The following AKNA variants were observed in gnomAD, a reference collection of about 807,000 sequenced individuals.
AKNA encodes the protein AT-hook transcription factor, also known as microtubule organization protein AKNA.
A neutral mutation model predicts 138.8 loss-of-function variants in AKNA; 67 were observed. The ratio of observed to expected loss-of-function variants is 0.48; its 90% CI spans 0.40 to 0.59. The LOEUF (loss-of-function observed/expected upper bound fraction) is 0.59, where lower values mean the gene tolerates loss of function less well. Among genes scored for constraint, AKNA ranks in the 20% least tolerant of loss-of-function variants. The pLI is 0.00. For synonymous variants in AKNA, 737 were observed against 754.4 expected (o/e 0.98, Z 0.38); for missense variants, 1,813 against 1,880.4 (o/e 0.96, Z 0.66).
chr9:114,359,716 CT>C lies in AKNA; in HGVS notation c.2369del (p.Glu790GlyfsTer51). On this transcript the variant is annotated frameshift_variant, in exon 11 of 22. Transcript: ENST00000374088. LOFTEE classifies it high-confidence loss of function. ...CAACTTCCAGGGAGTCACCTCCCCCCTCTTCCTCCTCCTCCTCCTCTCCTTC... is the reference window on the plus strand; with the variant it reads ...CAACTTCCAGGGAGTCACCTCCCCCCCTTCCTCCTCCTCCTCCTCTCCTTC... Reference protein sequence around the residue: ...EEEGEEEEEEEGGGDSLEVDG... With the variant: ...EEEGEEEEEEXGGGDSLEVDG... 6.2e-7 allele frequency: 1 copy of C among 1,610,016 alleles called. No homozygotes were observed. The highest frequency in any genetic ancestry group is 8.5e-7 in the Non-Finnish European group (1 of 1,177,814).
chr9:114,387,805 G>A (rs964317724), intron 1 of AKNA, 55 bp downstream of exon 1: 4 of 403,144 alleles, frequency 9.9e-6, no homozygotes, highest in Non-Finnish European at 2.1e-5. Context: ...GTCTGTGACT[G>A]GCCCGTCCAG....
chr9:114,343,588 G>T, intron 19 of AKNA, 120 bp downstream of exon 19: 2 of 1,012,662 alleles, frequency 2.0e-6, no homozygotes, highest in Non-Finnish European at 3.0e-6. Context: ...TCCCTGGTCT[G>T]TCCCTATAAC....
chr9:114,337,245 A>G lies in AKNA; in HGVS notation c.4129T>C (p.Ser1377Pro). Residue 1377 changes from serine (S) to proline (P), a missense_variant, in exon 22 of 22, where the codon TCT (serine) becomes CCT (proline). Transcript: ENST00000374088. ...QPAAKWPPTA[S>P]PPPARRHRHS... ...CGGTGTCTCCGGGCTGGTGGGGGAG[A>G]GGCTGTGGGCGGCCACTTGGCAGCT... 6.4e-7 allele frequency: 1 copy of G among 1,562,302 alleles called. No homozygotes were observed. Among genetic ancestry groups the G allele is most frequent in the Non-Finnish European group, 8.7e-7 (1 of 1,145,700 alleles).
chr9:114,397,184 C>G (rs954552511), upstream of AKNA, among the ~76,000 whole-genome samples: 2 of 152,190 alleles, frequency 1.3e-5, no homozygotes, highest in African/African-American at 4.8e-5. Context: ...AGACGACTGC[C>G]CCAGGAATAA....
rs189730544 is a variant in AKNA at position 114,375,017 on chromosome 9, C to G, written c.1342-850G>C. 2.6e-5 allele frequency among the ~76,000 whole-genome samples: 4 copies of G among 152,362 alleles called. No individual in the cohort carries two copies. In the East Asian group the frequency reaches 7.7e-4, roughly 29 times the overall value. On this transcript the variant is annotated intron_variant, in intron 3 of 21. Transcript: ENST00000374088. ...AAGACTAGCCCAAGACAATGACCATCAGAGGCTGTCAAAATCACCAACAAG... is the reference window on the plus strand; with the variant it reads ...AAGACTAGCCCAAGACAATGACCATGAGAGGCTGTCAAAATCACCAACAAG...
chr9:114,368,603 A>C lies in AKNA; in HGVS notation c.1417-8T>G, dbSNP rs1832548322. The C allele has an allele frequency of 1.5e-6, 2 of 1,369,262 alleles. No individual in the cohort carries two copies. Among genetic ancestry groups the C allele is most frequent in the Middle Eastern group, 1.9e-4 (1 of 5,146 alleles). The allele number at this position is 1,369,262 out of a possible 1,614,324, so 84.8% of individuals were successfully genotyped here. On this transcript the variant is annotated splice_region_variant and splice_polypyrimidine_tract_variant and intron_variant, in intron 4 of 21. Transcript: ENST00000374088. ...GTCAGAGAACAGGTTCACCTGTGGA[A>C]GCAGGGAGGCACAGCACAGCCAAGT...
Position 114,339,682 on chromosome 9 carries a change from C to T in AKNA, c.4067+1851G>A, listed in dbSNP as rs149401926. On this transcript the variant is annotated intron_variant, in intron 21 of 21. Coordinates refer to ENST00000374088, the MANE Select transcript of AKNA (RefSeq NM_001317950.2). ...CTTTCCCGATCAATGAGTTGGAACA[C>T]TGGCAGGCGCTTTCCCCCGTGTCTG... is the stretch of plus-strand genomic sequence containing the variant. Among the ~76,000 whole-genome samples, 12 of 152,330 alleles carry T rather than the reference C, an allele frequency of 7.9e-5. No homozygotes were observed. In the East Asian group the frequency reaches 1.5e-3, roughly 20 times the overall value.
At chr9:114,359,456 T>C in intron 11 of AKNA, 138 bp downstream of exon 11, 1 of 1,513,378 alleles carries the variant, frequency 6.6e-7, no homozygotes, top group Non-Finnish European at 8.9e-7. Context: ...ATCAGTGGTA[T>C]ACATTCCACA....
chr9:114,331,014 CT>C (rs1588925442), downstream of AKNA: 3 of 637,160 alleles, frequency 4.7e-6, no homozygotes, highest in East Asian at 5.4e-5. Context: ...GAAAAAATCC[CT>C]AAGAAGACAC....
chr9:114,368,675 G>C, intron 4 of AKNA, 80 bp from the exon 5 acceptor site: 1 of 1,181,362 alleles, frequency 8.5e-7, no homozygotes, highest in Non-Finnish European at 1.1e-6. Flanking sequence ...TCATTCAGGA[G>C]CTCAACACAC....
rs1467305415 is a variant in AKNA at position 114,355,914 on chromosome 9, C to G, written c.3058+11G>C. 3.7e-6 allele frequency: 6 copies of G among 1,613,970 alleles called. No individual in the cohort carries two copies. The African/African-American group carries it at 5.3e-5, about 14-fold the overall frequency. ...CATGCAGTTCTGTCCAAGTCAGACT[C>G]CTGCACTCACCCATCTCGGCTGCCA... is the stretch of plus-strand genomic sequence containing the variant. On this transcript the variant is annotated intron_variant, in intron 14 of 21. Transcript: ENST00000374088.
intron 13 of AKNA, among the ~76,000 whole-genome samples, 164 bp downstream of exon 13, chr9:114,356,699 C>T (rs777265671): frequency 7.9e-5 from 12 of 152,236 alleles, no homozygotes; most frequent in African/African-American, 1.2e-4. Context: ...GCTCTGTTTC[C>T]TCTGTCCATA....
upstream of AKNA, among the ~76,000 whole-genome samples, chr9:114,390,025 C>T (rs945982733): frequency 6.6e-6 from 1 of 152,172 alleles, no homozygotes; most frequent in African/African-American, 2.4e-5. Flanking sequence ...GTGCAAGGGG[C>T]GGGCTCCCCT....
downstream of AKNA, chr9:114,330,815 CCA>C (rs1829838879): frequency 1.2e-6 from 2 of 1,613,998 alleles, no homozygotes; most frequent in Non-Finnish European, 1.7e-6. Context: ...TTCTATAACT[CCA>C]GTTACCTGAA....
chr9:114,381,165 C>A lies in AKNA; in HGVS notation c.169G>T (p.Glu57Ter). 6.8e-6 allele frequency: 11 copies of A among 1,613,336 alleles called. No homozygotes were observed. The highest frequency in any genetic ancestry group is 9.3e-6 in the Non-Finnish European group (11 of 1,180,002). The change falls in exon 2 of 22, where the codon GAG becomes TAG. Residue 57 changes from glutamate to a stop codon, truncating the protein, a stop_gained. Coordinates refer to ENST00000374088, the MANE Select transcript of AKNA (RefSeq NM_001317950.2). LOFTEE classifies it high-confidence loss of function. ...TGCTGCTGGGCCAGGCGGAAGTCCT[C>A]TAGGAGCTCGGGGCTGGTGGCATTG... ...FPNATSPELL[E>*]DFRLAQQHLP...
chr9:114,349,018 G>C, intron 15 of AKNA: 1 of 452,702 alleles, frequency 2.2e-6, no homozygotes, highest in Non-Finnish European at 4.5e-6. Context: ...GTGTGTGTCT[G>C]AGGGCAGTGG....
intron 14 of AKNA, among the ~76,000 whole-genome samples, chr9:114,355,682 G>A (rs1279892279): frequency 6.6e-6 from 1 of 152,228 alleles, no homozygotes; most frequent in Non-Finnish European, 1.5e-5. Context: ...GACAGTATGT[G>A]TAAACAAACA....
intron 14 of AKNA, among the ~76,000 whole-genome samples, chr9:114,352,534 T>C (rs1564626441): frequency 1.3e-5 from 2 of 151,808 alleles, no homozygotes; most frequent in Non-Finnish European, 2.9e-5. Flanking sequence ...GTGGTGGAGG[T>C]TGCAGTGAGC....
At chr9:114,370,417 G>C (rs1028886313) in intron 4 of AKNA, among the ~76,000 whole-genome samples, 7 of 152,344 alleles carry the variant, frequency 4.6e-5, no homozygotes, top group African/African-American at 9.6e-5. Flanking sequence ...ACAGGGAATG[G>C]GGATGGGCCA....
Sources: gnomAD v4.1 joint callset for allele counts (sites outside exome capture counted in the v4.1 genomes callset) on GRCh38, gnomAD v4.1.1 for gene constraint, MANE v1.5 for transcripts, NCBI Gene and HGNC (gene_info 2026-07-23, HGNC 2026-07-21) for gene names.